The following DLGAP2 variants were observed in gnomAD, a reference collection of about 807,000 sequenced individuals.
DLGAP2 encodes DLG associated protein 2, also known as disks large-associated protein 2.
In DLGAP2, 26 loss-of-function variants were observed where a neutral mutation model predicts 100.3. The observed-to-expected ratio is 0.26, with a 90% CI of 0.19 to 0.36. DLGAP2 has a LOEUF of 0.36. Among genes scored for constraint, DLGAP2 ranks in the 10% least tolerant of loss-of-function variants. The pLI is 1.00. For missense variants in DLGAP2, 1,858 were observed against 1,453.2 expected (o/e 1.28, Z -4.53); for synonymous variants, 886 against 630.1 (o/e 1.41, Z -6.08).
chr8:1,049,627 G>A (rs1802614887), intron 2 of DLGAP2, among the ~76,000 whole-genome samples: 1 of 152,048 alleles, frequency 6.6e-6, no homozygotes, highest in Non-Finnish European at 1.5e-5. Flanking sequence ...TATTGACAGT[G>A]TGCTGGATTT....
intron 3 of DLGAP2, among the ~76,000 whole-genome samples, chr8:1,470,286 C>T (rs1798743619): frequency 6.6e-6 from 1 of 152,144 alleles, no homozygotes; most frequent in Non-Finnish European, 1.5e-5. Flanking sequence ...CCAGGTGCTC[C>T]ATCCAGCACT....
chr8:1,300,522 C>G (rs936773923), intron 3 of DLGAP2: 1 of 152,294 alleles, frequency 6.6e-6, no homozygotes, highest in Non-Finnish European at 1.5e-5. Context: ...ACCGTCCCTC[C>G]TGTCCCTGTT....
intron 3 of DLGAP2, among the ~76,000 whole-genome samples, chr8:1,360,551 C>A (rs1252070458): frequency 1.3e-5 from 2 of 152,146 alleles, no homozygotes; most frequent in African/African-American, 4.8e-5. Flanking sequence ...CACGGCTGTG[C>A]CATCTGGGTG....
At chr8:1,235,337 G>T (rs1005634521) in intron 2 of DLGAP2, among the ~76,000 whole-genome samples, 1 of 147,564 alleles carries the variant, frequency 6.8e-6, no homozygotes, top group Non-Finnish European at 1.5e-5. Flanking sequence ...ACATGGCGCC[G>T]TGTCTAGTTA....
intron 10 of DLGAP2, among the ~76,000 whole-genome samples, chr8:1,670,592 C>T (rs73672918): frequency 1.3e-5 from 2 of 152,046 alleles, no homozygotes; most frequent in East Asian, 3.9e-4. Context: ...GTTGGGTAAG[C>T]GAGTGGACGG....
chr8:1,606,495 G>T (rs764676996), intron 6 of DLGAP2, among the ~76,000 whole-genome samples: 10 of 152,106 alleles, frequency 6.6e-5, no homozygotes, highest in Admixed American at 2.0e-4. Flanking sequence ...GTATCTTTGT[G>T]TCTGGCTTCT....
In DLGAP2 at chr8:765,529, G is replaced by C. The variant is rs73673012; in HGVS notation, c.18+27704G>C. ...ATTTGACCTGACTCAAATGACATTG[G>C]AATACAGCAGCCCTTGGGGCAGGCA... On this transcript the variant is annotated intron_variant, in intron 1 of 14. Transcript: ENST00000637795. Among the ~76,000 whole-genome samples, 561 of 152,194 alleles carry C rather than the reference G, an allele frequency of 3.7e-3. 5 individuals carry two copies. Among genetic ancestry groups the C allele is most frequent in the African/African-American group, 0.013 (536 of 41,512 alleles).
intron 3 of DLGAP2, among the ~76,000 whole-genome samples, chr8:1,360,424 C>A (rs1389363181): frequency 6.6e-6 from 1 of 152,108 alleles, no homozygotes; most frequent in Non-Finnish European, 1.5e-5. Context: ...GCATGGGTGT[C>A]CTCCAGGTGC....
intron 3 of DLGAP2, among the ~76,000 whole-genome samples, chr8:1,264,620 C>G (rs559531459): frequency 1.3e-5 from 2 of 152,168 alleles, no homozygotes; most frequent in South Asian, 4.1e-4. Flanking sequence ...CTGGCAGAAT[C>G]AAAATCACAA....
chr8:1,418,897 C>A (rs1797012103), intron 3 of DLGAP2, among the ~76,000 whole-genome samples: 1 of 152,222 alleles, frequency 6.6e-6, no homozygotes, highest in Admixed American at 6.5e-5. Context: ...CATGGCTCTA[C>A]CTCCAGTTCA....
At chr8:976,522 G>A (rs942657501) in intron 2 of DLGAP2, among the ~76,000 whole-genome samples, 4 of 152,170 alleles carry the variant, frequency 2.6e-5, no homozygotes, top group Non-Finnish European at 5.9e-5. Flanking sequence ...TGAGGCAGGC[G>A]AATGGCGTGA....
At chr8:1,684,566 C>T (rs1305328796) in intron 12 of DLGAP2, among the ~76,000 whole-genome samples, 5 of 152,082 alleles carry the variant, frequency 3.3e-5, no homozygotes, top group South Asian at 4.2e-4. Context: ...CACAGTTCCC[C>T]GAACTGATTG....
chr8:1,320,585 C>G (rs1800873390), intron 3 of DLGAP2, among the ~76,000 whole-genome samples: 1 of 152,202 alleles, frequency 6.6e-6, no homozygotes, highest in South Asian at 2.1e-4. Flanking sequence ...GTGCTTCATG[C>G]TCAGCTCTCT....
At chr8:1,343,707 T>C (rs1801472076) in intron 3 of DLGAP2, among the ~76,000 whole-genome samples, 1 of 126,528 alleles carries the variant, frequency 7.9e-6, no homozygotes. Flanking sequence ...ATCTGGGGGG[T>C]CGTGGGGGGT....
Position 1,251,501 on chromosome 8 carries a change from A to G in DLGAP2, c.74-7350A>G, listed in dbSNP as rs537511114. Among the ~76,000 whole-genome samples, 4 of 152,250 alleles carry G rather than the reference A, an allele frequency of 2.6e-5. No homozygotes were observed. The East Asian group carries it at 5.8e-4, about 22-fold the overall frequency. On this transcript the variant is annotated intron_variant, in intron 2 of 14. Transcript: ENST00000637795. Reference sequence around the variant, plus strand: ...TCCCCAGGCTGGAGTGCACTGGTGTATTTTGGCTCACTGCAGCCTCAAATT... The same window carrying G: ...TCCCCAGGCTGGAGTGCACTGGTGTGTTTTGGCTCACTGCAGCCTCAAATT...
chr8:1,686,450 C>G (rs1476506865), intron 12 of DLGAP2, among the ~76,000 whole-genome samples: 1 of 152,104 alleles, frequency 6.6e-6, no homozygotes, highest in Non-Finnish European at 1.5e-5. Context: ...GGCAGATCAC[C>G]TGAGGTCAGG....
intron 2 of DLGAP2, among the ~76,000 whole-genome samples, chr8:924,914 C>T (rs942857337): frequency 3.9e-5 from 6 of 152,058 alleles, no homozygotes; most frequent in East Asian, 1.9e-4. Flanking sequence ...TAAATCCAGA[C>T]GTTGTGAAGG....
At chr8:1,460,058 C>G (rs930226126) in intron 3 of DLGAP2, among the ~76,000 whole-genome samples, 3 of 152,178 alleles carry the variant, frequency 2.0e-5, no homozygotes, top group Non-Finnish European at 2.9e-5. Flanking sequence ...ATGAGAACAC[C>G]CATCCCATGT....
intron 4 of DLGAP2, among the ~76,000 whole-genome samples, chr8:1,527,730 C>T (rs538177794): frequency 6.6e-6 from 1 of 152,296 alleles, no homozygotes; most frequent in East Asian, 1.9e-4. Context: ...CTGGGGCTGG[C>T]ACGAGGGGTC....
Sources: allele counts gnomAD v4.1 joint callset (sites outside exome capture counted in the v4.1 genomes callset), GRCh38; gene constraint gnomAD v4.1.1; transcripts MANE v1.5; gene names NCBI Gene and HGNC (gene_info 2026-07-23, HGNC 2026-07-21).